MAGI2: variants seen among roughly 807,000 people sequenced by gnomAD.
MAGI2 encodes membrane associated guanylate kinase, WW and PDZ domain containing 2.
A neutral mutation model predicts 133.3 loss-of-function variants in MAGI2; 35 were observed. The observed-to-expected ratio is 0.26, with a 90% CI of 0.20 to 0.35. The LOEUF (loss-of-function observed/expected upper bound fraction) is 0.35, where lower values mean the gene tolerates loss of function less well. Among genes scored for constraint, MAGI2 ranks in the 10% least tolerant of loss-of-function variants. MAGI2 has a pLI of 1.00. For synonymous variants in MAGI2, 729 were observed against 710.6 expected (o/e 1.03, Z -0.41); for missense variants, 1,636 against 1,863.4 (o/e 0.88, Z 2.25).
chr7:79,400,652 T>A (rs950295167), intron 1 of MAGI2, among the ~76,000 whole-genome samples: 8 of 152,212 alleles, frequency 5.3e-5, no homozygotes, highest in Non-Finnish European at 1.0e-4. Context: ...TAACTCCTAG[T>A]ACTTTTAAAT....
At chr7:78,027,486 G>A (rs1809049908) in intron 21 of MAGI2, among the ~76,000 whole-genome samples, 1 of 151,984 alleles carries the variant, frequency 6.6e-6, no homozygotes, top group Non-Finnish European at 1.5e-5. Context: ...AAATTAGCCG[G>A]GTGTGGTGGC....
chr7:78,773,372 C>T (rs1413294096), intron 2 of MAGI2, among the ~76,000 whole-genome samples: 1 of 151,900 alleles, frequency 6.6e-6, no homozygotes, highest in African/African-American at 2.4e-5. Context: ...AGTATAGCAA[C>T]TAACCCTAGC....
chr7:79,044,239 A>C (rs1261057041), intron 1 of MAGI2, among the ~76,000 whole-genome samples: 1 of 152,216 alleles, frequency 6.6e-6, no homozygotes, highest in Non-Finnish European at 1.5e-5. Flanking sequence ...ACCATGATCA[A>C]GTGGGCTTCA....
intron 1 of MAGI2, among the ~76,000 whole-genome samples, chr7:79,425,016 G>C (rs181009556): frequency 7.4e-4 from 112 of 152,038 alleles, no homozygotes; most frequent in Non-Finnish European, 1.4e-3. Flanking sequence ...CCTTTTCTGG[G>C]AGCTTTCACT....
intron 1 of MAGI2, among the ~76,000 whole-genome samples, chr7:79,372,474 G>A (rs1585743140): frequency 6.6e-6 from 1 of 152,144 alleles, no homozygotes; most frequent in Non-Finnish European, 1.5e-5. Context: ...ACTTAGAGAA[G>A]AAATTTTAGA....
At chr7:78,575,416 G>A (rs1802165801) in intron 3 of MAGI2, among the ~76,000 whole-genome samples, 1 of 152,136 alleles carries the variant, frequency 6.6e-6, no homozygotes, top group Non-Finnish European at 1.5e-5. Flanking sequence ...TATAGATGCT[G>A]TTATATAATG....
At chr7:78,861,921 A>T (rs571502) in intron 2 of MAGI2, among the ~76,000 whole-genome samples, 95,612 of 152,072 alleles carry the variant, frequency 0.63, 30,998 homozygotes, top group East Asian at 0.73. Flanking sequence ...ATTATTTAAC[A>T]ATCAACAGAA....
Position 78,389,246 on chromosome 7 carries a change from T to C in MAGI2, c.1046-20033A>G, listed in dbSNP as rs150935962. Reference sequence around the variant, plus strand: ...GAGAAGCGAGAGTTGAAAAACTCAGTAGGACCAGATGCCACAAGACAGACT... The same window carrying C: ...GAGAAGCGAGAGTTGAAAAACTCAGCAGGACCAGATGCCACAAGACAGACT... On this transcript the variant is annotated intron_variant, in intron 6 of 21. Transcript: ENST00000354212. Among the ~76,000 whole-genome samples, 166 of 152,194 alleles carry C rather than the reference T, an allele frequency of 1.1e-3. 2 individuals carry two copies. The highest frequency in any genetic ancestry group is 3.6e-3 in the African/African-American group (151 of 41,522).
At chr7:79,294,974 G>A (rs1836815428) in intron 1 of MAGI2, among the ~76,000 whole-genome samples, 1 of 151,300 alleles carries the variant, frequency 6.6e-6, no homozygotes, top group African/African-American at 2.4e-5. Flanking sequence ...TCCTGACCTC[G>A]TGATCTGCCC....
intron 1 of MAGI2, among the ~76,000 whole-genome samples, chr7:79,099,014 C>T (rs1380189961): frequency 1.3e-5 from 2 of 152,108 alleles, no homozygotes; most frequent in African/African-American, 2.4e-5. Context: ...ACTTTTGAGC[C>T]TCCAGAGGGT....
chr7:78,283,443 C>G (rs1218624878), intron 9 of MAGI2, among the ~76,000 whole-genome samples: 5 of 152,040 alleles, frequency 3.3e-5, no homozygotes, highest in Non-Finnish European at 5.9e-5. Context: ...GATATTGTGT[C>G]AAACATATCC....
chr7:78,898,233 T>A (rs1302685425), intron 2 of MAGI2, among the ~76,000 whole-genome samples: 1 of 152,220 alleles, frequency 6.6e-6, no homozygotes, highest in Non-Finnish European at 1.5e-5. Flanking sequence ...ATACACTGTT[T>A]GCAGGAGTAT....
intron 9 of MAGI2, among the ~76,000 whole-genome samples, chr7:78,297,283 C>T (rs1278069198): frequency 1.3e-5 from 2 of 151,892 alleles, no homozygotes; most frequent in African/African-American, 4.8e-5. Context: ...AATGAGATAC[C>T]ATCTCACACC....
intron 1 of MAGI2, among the ~76,000 whole-genome samples, chr7:79,055,278 G>A (rs1298263558): frequency 1.5e-5 from 2 of 129,856 alleles, no homozygotes; most frequent in African/African-American, 7.2e-5. Flanking sequence ...ACTTTGTAAG[G>A]GCATGCCTTT....
At chr7:78,398,095 C>G (rs1796524926) in intron 6 of MAGI2, among the ~76,000 whole-genome samples, 1 of 151,834 alleles carries the variant, frequency 6.6e-6, no homozygotes, top group South Asian at 2.1e-4. Flanking sequence ...GAGAAAAGGC[C>G]AAAAAGAGAA....
At chr7:79,304,159 A>G (rs1837584762) in intron 1 of MAGI2, among the ~76,000 whole-genome samples, 1 of 137,918 alleles carries the variant, frequency 7.3e-6, no homozygotes, top group African/African-American at 2.8e-5. Flanking sequence ...GTGAGTTTCT[A>G]AAGTGCCAAT....
intron 20 of MAGI2, among the ~76,000 whole-genome samples, chr7:78,081,688 T>A (rs941240364): frequency 6.6e-6 from 1 of 151,890 alleles, no homozygotes; most frequent in African/African-American, 2.4e-5. Flanking sequence ...TGTTCAGGAG[T>A]TTAGGTTTTA....
intron 1 of MAGI2, among the ~76,000 whole-genome samples, chr7:79,241,912 G>C (rs1563035934): frequency 6.6e-6 from 1 of 152,154 alleles, no homozygotes. Flanking sequence ...CATGCATAAG[G>C]ATAGTTTTCC....
At chr7:78,366,023 T>G (rs750355466) in intron 7 of MAGI2, among the ~76,000 whole-genome samples, 1 of 152,192 alleles carries the variant, frequency 6.6e-6, no homozygotes, top group Non-Finnish European at 1.5e-5. Flanking sequence ...CACGTAAGCT[T>G]TTTTTGCTAC....
Sources: allele counts gnomAD v4.1 joint callset (sites outside exome capture counted in the v4.1 genomes callset), GRCh38; gene constraint gnomAD v4.1.1; transcripts MANE v1.5; gene names NCBI Gene and HGNC (gene_info 2026-07-23, HGNC 2026-07-21).